SLC66A2: variants seen among roughly 807,000 people sequenced by gnomAD.
SLC66A2 encodes the protein solute carrier family 66 member 2.
In SLC66A2, 23 loss-of-function variants were observed where a neutral mutation model predicts 25.5. The ratio of observed to expected loss-of-function variants is 0.90; its 90% CI spans 0.65 to 1.28. The LOEUF (loss-of-function observed/expected upper bound fraction) is 1.28, where lower values mean the gene tolerates loss of function less well. Among genes scored for constraint, SLC66A2 ranks in the 50% most tolerant of loss-of-function variants. SLC66A2 has a pLI of 0.00. For missense variants in SLC66A2, 396 were observed against 373.1 expected, an observed-to-expected ratio of 1.06 and a Z score of -0.51; for synonymous variants, 193 against 166.5, an observed-to-expected ratio of 1.16 and a Z score of -1.23.
chr18:79,912,500 G>T (rs565751309), intron 5 of SLC66A2, among the ~76,000 whole-genome samples: 2 of 151,346 alleles, frequency 1.3e-5, no homozygotes, highest in Admixed American at 1.3e-4. Flanking sequence ...GTCACATATC[G>T]CCAGGCCACG....
rs760657947 is a variant in SLC66A2, at chr18:79,950,915, C to T, written c.12G>A (p.Glu4=). 8.9e-6 allele frequency: 14 copies of T among 1,570,204 alleles called. No individual in the cohort carries two copies. Among genetic ancestry groups the T allele is most frequent in the Non-Finnish European group, 1.2e-5 (14 of 1,157,910 alleles). ...GTGGCACCAGGAGCCAGTCCAGGCC[C>T]TCGGCCTCCATCGCAGCGCCCGCCT... MEA[E]GLDWLLVPLH... Residue 4 remains glutamate (E), a synonymous_variant, in exon 2 of 6, where the codon GAG becomes GAA. Coordinates refer to ENST00000397778, the MANE Select transcript of SLC66A2 (RefSeq NM_025078.5).
chr18:79,903,857 A>G lies in SLC66A2; in HGVS notation c.*119T>C, dbSNP rs1177277084. On this transcript the variant is annotated 3_prime_UTR_variant, in exon 6 of 6. Coordinates refer to ENST00000397778, the MANE Select transcript of SLC66A2 (RefSeq NM_025078.5). ...CCCACAGAGGCTGATGGAGACCCCA[A>G]TGCCCATGCCCCATCTCTGCCACAC... The G allele has an allele frequency of 1.5e-5, 13 of 861,238 alleles. No homozygotes were observed. Among genetic ancestry groups the G allele is most frequent in the Non-Finnish European group, 2.3e-5 (13 of 565,236 alleles). 53.3% of individuals were successfully genotyped at this position (861,238 alleles called of 1,614,324 possible). A position where few individuals can be genotyped will look rare whatever the true frequency, so the allele number is the denominator to read the frequency against.
At chr18:79,944,053 G>A (rs541840089) in intron 2 of SLC66A2, 2 of 157,954 alleles carry the variant, frequency 1.3e-5, no homozygotes, top group East Asian at 3.8e-4. Flanking sequence ...GCTCCGGGGA[G>A]GGGCCGTAAG....
At chr18:79,945,169 C>CAA in intron 2 of SLC66A2, 1 of 152,518 alleles carries the variant, frequency 6.6e-6, no homozygotes, top group Admixed American at 6.5e-5. Context: ...CACAGACGTT[C>CAA]TCCTGGGAGG....
At chr18:79,931,825 A>G (rs1317202193) in intron 4 of SLC66A2, among the ~76,000 whole-genome samples, 1 of 152,052 alleles carries the variant, frequency 6.6e-6, no homozygotes, top group Non-Finnish European at 1.5e-5. Flanking sequence ...CCAGCCTGGT[A>G]AACATGGTGA....
chr18:79,904,453 C>T lies in SLC66A2; in HGVS notation c.609-270G>A, dbSNP rs1278955710. Among the ~76,000 whole-genome samples, 1 of 152,090 alleles carries T rather than the reference C, an allele frequency of 6.6e-6. No individual in the cohort carries two copies. The highest frequency in any genetic ancestry group is 2.4e-5 in the African/African-American group (1 of 41,388). Reference sequence around the variant, plus strand: ...CCTGACCCCACCTGTCCCATGCAACCCCCACCCTTGACTTCTCTGTGGCCG... The same window carrying T: ...CCTGACCCCACCTGTCCCATGCAACTCCCACCCTTGACTTCTCTGTGGCCG... On this transcript the variant is annotated intron_variant, in intron 5 of 5. Coordinates refer to ENST00000397778, the MANE Select transcript of SLC66A2 (RefSeq NM_025078.5). This position sits in a 1 kb window ranked among gnomAD's most constrained non-coding sequence, Gnocchi z 6.3.
chr18:79,950,103 A>G (rs750280194), intron 2 of SLC66A2, among the ~76,000 whole-genome samples: 2 of 152,138 alleles, frequency 1.3e-5, no homozygotes, highest in African/African-American at 4.8e-5. Context: ...GCCCTTTCAG[A>G]GGCCCAGTGG....
At chr18:79,914,001 C>A (rs1055159805) in intron 5 of SLC66A2, among the ~76,000 whole-genome samples, 11 of 152,182 alleles carry the variant, frequency 7.2e-5, no homozygotes. Context: ...CTCCGCCCCC[C>A]AGGTTCAAGT....
At chr18:79,912,086 A>G (rs4426411) in intron 5 of SLC66A2, among the ~76,000 whole-genome samples, 6,518 of 84,026 alleles carry the variant, frequency 0.078, 181 homozygotes, top group South Asian at 0.11. Flanking sequence ...GGAGGGGACA[A>G]GAGCAGGAAG....
In SLC66A2 at chr18:79,918,375, T is replaced by A. The variant is rs1455427383; in HGVS notation, c.608+809A>T. ...GTGTGGGGGCTCAGGGTGTTCTCCG[T>A]GAGGAGCGGGCACCGGGGGGCGGAT... On this transcript the variant is annotated intron_variant, in intron 5 of 5. Transcript: ENST00000397778. This position sits in a 1 kb window ranked among gnomAD's most constrained non-coding sequence, Gnocchi z 4.0. Among the ~76,000 whole-genome samples, 1 of 132,420 alleles carries A rather than the reference T, an allele frequency of 7.6e-6. No individual in the cohort carries two copies. Among genetic ancestry groups the A allele is most frequent in the Admixed American group, 8.1e-5 (1 of 12,352 alleles). The allele number at this position is 132,420 out of a possible 152,430, so 86.9% of individuals were successfully genotyped here. A position where few individuals can be genotyped will look rare whatever the true frequency, so the allele number is the denominator to read the frequency against.
chr18:79,908,218 C>A (rs757026673), intron 5 of SLC66A2, among the ~76,000 whole-genome samples: 5 of 152,114 alleles, frequency 3.3e-5, no homozygotes, highest in African/African-American at 4.8e-5. Flanking sequence ...AGCGGAAGAA[C>A]TTTTTTTAGT....
chr18:79,923,355 T>C (rs1031179117), intron 4 of SLC66A2, among the ~76,000 whole-genome samples: 26 of 151,452 alleles, frequency 1.7e-4, no homozygotes, highest in Non-Finnish European at 3.8e-4. Context: ...AGGTGGGTCA[T>C]GCATGGGCAG....
chr18:79,918,653 AC>A lies in SLC66A2; in HGVS notation c.608+530del, dbSNP rs1181013688. On this transcript the variant is annotated intron_variant, in intron 5 of 5. Coordinates refer to ENST00000397778, the MANE Select transcript of SLC66A2 (RefSeq NM_025078.5). This position sits in a 1 kb window ranked among gnomAD's most constrained non-coding sequence, Gnocchi z 4.0. Reference sequence around the variant, plus strand: ...GCGTTGTGCCCTACCTCTGGCGGTCACGGGGACGTCCAGGCACGCACTGGTG... The same window carrying A: ...GCGTTGTGCCCTACCTCTGGCGGTCAGGGGACGTCCAGGCACGCACTGGTG... Among the ~76,000 whole-genome samples, 1 of 152,244 alleles carries A rather than the reference AC, an allele frequency of 6.6e-6. No homozygotes were observed. The highest frequency in any genetic ancestry group is 1.5e-5 in the Non-Finnish European group (1 of 68,046).
chr18:79,948,093 T>C (rs1158217665), intron 2 of SLC66A2, among the ~76,000 whole-genome samples: 2 of 152,202 alleles, frequency 1.3e-5, no homozygotes, highest in African/African-American at 4.8e-5. Context: ...ACAGAAGCCA[T>C]GCATGACCAG....
Position 79,941,607 on chromosome 18 carries a change from G to C in SLC66A2, c.337+1722C>G, listed in dbSNP as rs555926820. On this transcript the variant is annotated intron_variant, in intron 3 of 5. Coordinates refer to ENST00000397778, the MANE Select transcript of SLC66A2 (RefSeq NM_025078.5). The surrounding 1 kb of genome is among the most constrained non-coding windows in gnomAD (Gnocchi z 4.1). ...CATCCCACTCCCTTCTTATCCAACGGTCCTCTGAGACAAGCCTGAACCTGC... is the reference window on the plus strand; with the variant it reads ...CATCCCACTCCCTTCTTATCCAACGCTCCTCTGAGACAAGCCTGAACCTGC... The C allele has an allele frequency of 6.9e-4, 105 of 152,286 alleles. 1 individual carries two copies. The highest frequency in any genetic ancestry group is 2.5e-3 in the African/African-American group (102 of 41,544). 9.4% of individuals were successfully genotyped at this position (152,286 alleles called of 1,614,324 possible). A position where few individuals can be genotyped will look rare whatever the true frequency, so the allele number is the denominator to read the frequency against.
chr18:79,934,113 C>A, intron 3 of SLC66A2, 91 bp from the exon 4 acceptor site: 7 of 947,974 alleles, frequency 7.4e-6, no homozygotes, highest in African/African-American at 1.9e-5. Flanking sequence ...GTTCCCAGAA[C>A]TTTTTGCATT....
At chr18:79,934,917 T>C (rs1417861901) in intron 3 of SLC66A2, among the ~76,000 whole-genome samples, 2 of 152,168 alleles carry the variant, frequency 1.3e-5, no homozygotes, top group African/African-American at 4.8e-5. Context: ...TAGGGTGTTG[T>C]TCCACTCACA....
intron 4 of SLC66A2, among the ~76,000 whole-genome samples, chr18:79,919,958 G>GA (rs1491357821): frequency 7.1e-5 from 1 of 14,044 alleles, no homozygotes; most frequent in Non-Finnish European, 1.3e-4. Flanking sequence ...GTCAAGGTCA[G>GA]TGAGGAGAGA....
chr18:79,913,142 T>C (rs1983488297), intron 5 of SLC66A2, among the ~76,000 whole-genome samples: 1 of 152,286 alleles, frequency 6.6e-6, no homozygotes, highest in African/African-American at 2.4e-5. Context: ...GAGCCTCAGC[T>C]TCACCTGCTG....
Sources: allele counts gnomAD v4.1 joint callset (sites outside exome capture counted in the v4.1 genomes callset), GRCh38; gene constraint gnomAD v4.1.1; non-coding constraint Gnocchi (gnomAD v3.1); transcripts MANE v1.5; gene names NCBI Gene and HGNC (gene_info 2026-07-23, HGNC 2026-07-21).